Variants in KLHL11 observed in about 807,000 individuals in gnomAD.
KLHL11 encodes the protein kelch-like protein 11.
In KLHL11, 26 loss-of-function variants were observed where a neutral mutation model predicts 56.1. That is an observed-to-expected ratio of 0.46 (90% CI 0.34 to 0.64). The LOEUF is 0.64. KLHL11 is among the 30% of genes least tolerant of loss of function. The probability of loss-of-function intolerance (pLI) is 0.01; values close to 1 mark genes in which losing one functional copy is unlikely to be tolerated. For synonymous variants in KLHL11, 338 were observed against 345.8 expected (o/e 0.98, Z 0.25); for missense variants, 627 against 919.4 (o/e 0.68, Z 4.11).
Position 41,854,945 on chromosome 17 carries a change from GT to G in KLHL11, c.921del (p.Lys307AsnfsTer6). 1 of 1,614,212 alleles carries G rather than the reference GT, an allele frequency of 6.2e-7. No individual in the cohort carries two copies. The highest frequency in any genetic ancestry group is 8.5e-7 in the Non-Finnish European group (1 of 1,180,040). On this transcript the variant is annotated frameshift_variant, in exon 2 of 2. Transcript: ENST00000319121. LOFTEE classifies it high-confidence loss of function. This position sits in a 1 kb window ranked among gnomAD's most constrained non-coding sequence, Gnocchi z 4.9. ...TCATTATTGGCTACCAGCCTCTCTGGTTTGACATGTCGAGTAAGGTAGGTAG... is the reference window on the plus strand; with the variant it reads ...TCATTATTGGCTACCAGCCTCTCTGGTTGACATGTCGAGTAAGGTAGGTAG... ...MKPTYLTRHVKPERLVANNEV... is the reference protein window; with the variant it reads ...MKPTYLTRHVXPERLVANNEV...
rs2048343492 is a variant in KLHL11, at chr17:41,853,503, A to C, written c.*237T>G. On this transcript the variant is annotated 3_prime_UTR_variant, in exon 2 of 2. Transcript: ENST00000319121. ...GATTTTTCCACTTGTCCTTAATAAGATCTTATTTAGCTAGCACAAACAAAC... is the reference window on the plus strand; with the variant it reads ...GATTTTTCCACTTGTCCTTAATAAGCTCTTATTTAGCTAGCACAAACAAAC... 4.7e-6 allele frequency: 2 copies of C among 423,392 alleles called. No homozygotes were observed. The highest frequency in any genetic ancestry group is 8.3e-6 in the Non-Finnish European group (2 of 242,094). 26.2% of individuals were successfully genotyped at this position (423,392 alleles called of 1,614,324 possible).
intron 1 of KLHL11, among the ~76,000 whole-genome samples, chr17:41,859,115 A>G (rs1006242612): frequency 1.3e-5 from 2 of 152,202 alleles, no homozygotes; most frequent in Non-Finnish European, 2.9e-5. Flanking sequence ...TCTCGTCACC[A>G]GAGCTTTTTC....
At position 41,865,224 on chromosome 17, in the gene KLHL11, C is replaced by A. The variant is rs1019321416; in HGVS notation, c.147G>T (p.Gly49=). 3 of 1,600,852 alleles carry A rather than the reference C, an allele frequency of 1.9e-6. No individual in the cohort carries two copies. Among genetic ancestry groups the A allele is most frequent in the Non-Finnish European group, 1.7e-6 (2 of 1,175,540 alleles). Reference sequence around the variant, plus strand: ...CCATTGCAGAGATCCCCGGCCCAGGCCCGAAGTCCACCGTGCCGCTGCCTC... The same window carrying A: ...CCATTGCAGAGATCCCCGGCCCAGGACCGAAGTCCACCGTGCCGCTGCCTC... ...EVRGSGTVDF[G]PGPGISAMEA... Residue 49 remains glycine (G), a synonymous_variant, in exon 1 of 2, where the codon GGG becomes GGT. Transcript: ENST00000319121.
At chr17:41,855,779 C>A (rs1195222171) in intron 1 of KLHL11, among the ~76,000 whole-genome samples, 4 of 150,828 alleles carry the variant, frequency 2.7e-5, no homozygotes, top group Non-Finnish European at 5.9e-5. Context: ...TCATGCAATT[C>A]TCCTGCCTCA....
chr17:41,851,964 G>C lies in KLHL11; in HGVS notation c.*1776C>G, dbSNP rs2144149155. 6.6e-6 allele frequency among the ~76,000 whole-genome samples: 1 copy of C among 151,242 alleles called. No homozygotes were observed. The highest frequency in any genetic ancestry group is 2.1e-4 in the South Asian group (1 of 4,794). The stretch of plus-strand genomic sequence containing the variant: ...TGAGTGCTAACTTTTATAAAGCTCA[G>C]GAGACATAAGATAATTCGAATAACG... On this transcript the variant is annotated 3_prime_UTR_variant, in exon 2 of 2. Coordinates refer to ENST00000319121, the MANE Select transcript of KLHL11 (RefSeq NM_018143.3).
At chr17:41,855,983 TCCC>T (rs67536905) in intron 1 of KLHL11, among the ~76,000 whole-genome samples, 1 of 78,064 alleles carries the variant, frequency 1.3e-5, no homozygotes, top group African/African-American at 4.9e-5. Context: ...GCCTACACCA[TCCC>T]CCCCCCAAAA....
intron 1 of KLHL11, among the ~76,000 whole-genome samples, chr17:41,859,582 AAAC>A (rs1467021129): frequency 2.0e-5 from 3 of 151,084 alleles, no homozygotes; most frequent in Admixed American, 6.6e-5. Context: ...ACAAAAAACA[AAAC>A]AACAACAACA....
At position 41,850,601 on chromosome 17, in the gene KLHL11, C is replaced by G. The variant is rs1278843493; in HGVS notation, c.*3139G>C. Reference sequence around the variant, plus strand: ...ATCAAGAAAACGAAGTTTGCTAGCACAGTCTGTTGGAGAGAAATGAGAACT... The same window carrying G: ...ATCAAGAAAACGAAGTTTGCTAGCAGAGTCTGTTGGAGAGAAATGAGAACT... On this transcript the variant is annotated 3_prime_UTR_variant, in exon 2 of 2. Transcript: ENST00000319121. The G allele has an allele frequency of 6.6e-6, 1 of 152,178 alleles. No homozygotes were observed. The highest frequency in any genetic ancestry group is 1.5e-5 in the Non-Finnish European group (1 of 68,030). The allele number at this position is 152,178 out of a possible 1,614,324, so 9.4% of individuals were successfully genotyped here.
chr17:41,849,133 C>A lies in KLHL11; in HGVS notation c.*4607G>T, dbSNP rs1009398940. 9.2e-5 allele frequency: 14 copies of A among 152,240 alleles called. No individual in the cohort carries two copies. In the East Asian group the frequency reaches 1.7e-3, roughly 19 times the overall value. 9.4% of individuals were successfully genotyped at this position (152,240 alleles called of 1,614,324 possible). A position where few individuals can be genotyped will look rare whatever the true frequency, so the allele number is the denominator to read the frequency against. ...GAAAGTAACAAACTGGAGTGATGAACTGTGCCAAAATGTTTGAGAGACTGA... is the reference window on the plus strand; with the variant it reads ...GAAAGTAACAAACTGGAGTGATGAAATGTGCCAAAATGTTTGAGAGACTGA... On this transcript the variant is annotated 3_prime_UTR_variant, in exon 2 of 2. Coordinates refer to ENST00000319121, the MANE Select transcript of KLHL11 (RefSeq NM_018143.3).
chr17:41,852,260 C>G lies in KLHL11; in HGVS notation c.*1480G>C, dbSNP rs2144149474. Among the ~76,000 whole-genome samples, 1 of 152,010 alleles carries G rather than the reference C, an allele frequency of 6.6e-6. No individual in the cohort carries two copies. Among genetic ancestry groups the G allele is most frequent in the African/African-American group, 2.4e-5 (1 of 41,494 alleles). On this transcript the variant is annotated 3_prime_UTR_variant, in exon 2 of 2. Coordinates refer to ENST00000319121, the MANE Select transcript of KLHL11 (RefSeq NM_018143.3). ...TTGAACTCTTGGGCTCAAAATCTGC[C>G]CACCTCAGCCTCCTCCAAAGTGTTG...
At position 41,853,413 on chromosome 17, in the gene KLHL11, A is replaced by T. The variant is rs1555622148; in HGVS notation, c.*327T>A. The T allele has an allele frequency of 9.4e-6, 2 of 213,524 alleles. No individual in the cohort carries two copies. Among genetic ancestry groups the T allele is most frequent in the Non-Finnish European group, 1.8e-5 (2 of 108,392 alleles). 13.2% of individuals were successfully genotyped at this position (213,524 alleles called of 1,614,324 possible). On this transcript the variant is annotated 3_prime_UTR_variant, in exon 2 of 2. Transcript: ENST00000319121. ...AATTGGTGCTTAAAGCATGTTCAAA[A>T]CGTAAGTCCTCAAGACAAAGGAGTC...
At position 41,854,106 on chromosome 17, in the gene KLHL11, C is replaced by T. The variant is rs1555622233; in HGVS notation, c.1761G>A (p.Glu587=). The stretch of plus-strand genomic sequence containing the variant: ...CTTCTGGAGGCAAGCTTTCAAGGAT[C>T]TCATCAGACACTTGGCTGGCAATTT... The part of the protein sequence containing the change: ...VRKIASQVSD[E]ILESLPPEVL... The change falls in exon 2 of 2, where the codon GAG becomes GAA. Residue 587 remains glutamate (E), a synonymous_variant. Coordinates refer to ENST00000319121, the MANE Select transcript of KLHL11 (RefSeq NM_018143.3). The surrounding 1 kb of genome is among the most constrained non-coding windows in gnomAD (Gnocchi z 4.9). The T allele has an allele frequency of 1.2e-6, 2 of 1,614,206 alleles. No individual in the cohort carries two copies. The highest frequency in any genetic ancestry group is 1.7e-6 in the Non-Finnish European group (2 of 1,180,036).
intron 1 of KLHL11, among the ~76,000 whole-genome samples, chr17:41,859,814 C>A (rs965596866): frequency 2.6e-5 from 4 of 152,228 alleles, no homozygotes; most frequent in Middle Eastern, 3.4e-3. Context: ...CACCTAAATC[C>A]ATTTAAAGTT....
chr17:41,848,847 A>C lies in KLHL11; in HGVS notation c.*4893T>G, dbSNP rs1247834722. On this transcript the variant is annotated 3_prime_UTR_variant, in exon 2 of 2. Coordinates refer to ENST00000319121, the MANE Select transcript of KLHL11 (RefSeq NM_018143.3). ...ACTTTTCACGAGTGCATTATGCAGGAGGACTAAGTTAACAAGTGCTCTGCA... is the reference window on the plus strand; with the variant it reads ...ACTTTTCACGAGTGCATTATGCAGGCGGACTAAGTTAACAAGTGCTCTGCA... 1 of 155,126 alleles carries C rather than the reference A, an allele frequency of 6.4e-6. No homozygotes were observed. Among genetic ancestry groups the C allele is most frequent in the African/African-American group, 2.4e-5 (1 of 41,466 alleles). 9.6% of individuals were successfully genotyped at this position (155,126 alleles called of 1,614,324 possible).
At chr17:41,864,753 C>G (rs1022341799) in intron 1 of KLHL11, 73 bp downstream of exon 1, 1 of 1,400,366 alleles carries the variant, frequency 7.1e-7, no homozygotes, top group Middle Eastern at 2.1e-4. Context: ...CAGGCACTGC[C>G]CTCCCCTCCG....
intron 1 of KLHL11, among the ~76,000 whole-genome samples, chr17:41,857,629 C>T (rs1222560210): frequency 6.6e-6 from 1 of 151,548 alleles, no homozygotes. Flanking sequence ...CACACATATA[C>T]ATATATAAAA....
rs1010439082 is a variant in KLHL11 at position 41,855,308 on chromosome 17, G to A, written c.559C>T (p.Arg187Cys). Residue 187 changes from arginine (R) to cysteine (C), a missense_variant, in exon 2 of 2, where the codon CGT (arginine) becomes TGT (cysteine). Arg to Cys is a radical substitution (Grantham distance 180). Around this residue, in one of 4 missense-constraint regions of KLHL11, gnomAD observed 150 missense variants for 215.7 expected, o/e 0.70. Coordinates refer to ENST00000319121, the MANE Select transcript of KLHL11 (RefSeq NM_018143.3). ...LELADRFLLIRLKEFCGEFLK... is the reference protein window; with the variant it reads ...LELADRFLLICLKEFCGEFLK... ...AATTCTCCACAAAATTCTTTTAAAC[G>A]AATGAGTAGGAACCTAAAATCAAGA... 6.4e-7 allele frequency: 1 copy of A among 1,559,262 alleles called. No homozygotes were observed. Among genetic ancestry groups the A allele is most frequent in the Non-Finnish European group, 8.7e-7 (1 of 1,144,662 alleles).
chr17:41,863,161 C>T (rs544109506), intron 1 of KLHL11, among the ~76,000 whole-genome samples: 70 of 151,216 alleles, frequency 4.6e-4, no homozygotes, highest in African/African-American at 1.7e-3. Flanking sequence ...CCTTGGTGCC[C>T]CCTCCTCCCC....
At position 41,848,657 on chromosome 17, in the gene KLHL11, A is replaced by C. The variant is rs1318353052; in HGVS notation, c.*5083T>G. 9.5e-6 allele frequency: 2 copies of C among 210,206 alleles called. No individual in the cohort carries two copies. Among genetic ancestry groups the C allele is most frequent in the Non-Finnish European group, 1.9e-5 (2 of 103,106 alleles). The allele number at this position is 210,206 out of a possible 1,614,324, so 13.0% of individuals were successfully genotyped here. A position where few individuals can be genotyped will look rare whatever the true frequency, so the allele number is the denominator to read the frequency against. On this transcript the variant is annotated 3_prime_UTR_variant, in exon 2 of 2. Transcript: ENST00000319121. ...TGTTCTAAATGCTACATCTCCTCTGAGTTAAGGGGAGATAGTGAAGATTAT... is the reference window on the plus strand; with the variant it reads ...TGTTCTAAATGCTACATCTCCTCTGCGTTAAGGGGAGATAGTGAAGATTAT...
Sources: allele counts gnomAD v4.1 joint callset (sites outside exome capture counted in the v4.1 genomes callset), GRCh38; gene constraint gnomAD v4.1.1; regional missense constraint gnomAD v4.1.1; non-coding constraint Gnocchi (gnomAD v3.1); transcripts MANE v1.5; gene names NCBI Gene and HGNC (gene_info 2026-07-23, HGNC 2026-07-21).